The following GDF1 variants were observed in gnomAD, a reference collection of about 807,000 sequenced individuals.
GDF1 encodes growth differentiation factor 1.
Under a neutral mutation model 7.4 loss-of-function variants are expected in GDF1, and 8 were observed. The ratio of observed to expected loss-of-function variants is 1.09; its 90% CI spans 0.64 to 1.96. GDF1 has a LOEUF of 1.96. GDF1 is among the 30% of genes most tolerant of loss of function. The probability of loss-of-function intolerance (pLI) is 0.00; values close to 1 mark genes in which losing one functional copy is unlikely to be tolerated. For missense variants in GDF1, 574 were observed against 551.5 expected, an observed-to-expected ratio of 1.04 and a Z score of -0.41; for synonymous variants, 311 against 276.7, an observed-to-expected ratio of 1.12 and a Z score of -1.23.
At chr19:18,874,554 G>C (rs1358645448) in intron 6 of GDF1, among the ~76,000 whole-genome samples, 2 of 152,248 alleles carry the variant, frequency 1.3e-5, no homozygotes, top group Non-Finnish European at 2.9e-5. Context: ...CAGGTCACCA[G>C]ATCCAGAGAG....
intron 1 of GDF1, among the ~76,000 whole-genome samples, chr19:18,893,779 C>T (rs1306153836): frequency 5.3e-5 from 8 of 151,788 alleles, no homozygotes; most frequent in Non-Finnish European, 1.5e-5. Context: ...GTCCGGCCGC[C>T]GCGGTGCTGG....
At position 18,870,455 on chromosome 19, in the gene GDF1, A is replaced by T; in HGVS notation, c.-148T>A. 11 of 429,390 alleles carry T rather than the reference A, an allele frequency of 2.6e-5. No individual in the cohort carries two copies. Among genetic ancestry groups the T allele is most frequent in the Non-Finnish European group, 4.1e-5 (11 of 267,498 alleles). The allele number at this position is 429,390 out of a possible 1,614,324, so 26.6% of individuals were successfully genotyped here. On this transcript the variant is annotated 5_prime_UTR_variant, in exon 7 of 8. Transcript: ENST00000247005. The surrounding 1 kb of genome is among the most constrained non-coding windows in gnomAD (Gnocchi z 5.1). ...AGGCAGGATGAGGGGGCGGGGTCCCAGGGGAGGTGGCGGCGGCCCTAGAGG... is the reference window on the plus strand; with the variant it reads ...AGGCAGGATGAGGGGGCGGGGTCCCTGGGGAGGTGGCGGCGGCCCTAGAGG...
chr19:18,885,235 C>T (rs2056320332), intron 2 of GDF1, among the ~76,000 whole-genome samples: 1 of 152,136 alleles, frequency 6.6e-6, no homozygotes, highest in Non-Finnish European at 1.5e-5. Flanking sequence ...TTGGCTTGTT[C>T]TGTGGCCCAT....
chr19:18,888,945 G>GCA (rs1431207249), intron 2 of GDF1, among the ~76,000 whole-genome samples: 1 of 144,168 alleles, frequency 6.9e-6, no homozygotes, highest in Non-Finnish European at 1.5e-5. Flanking sequence ...AGGCTGGAGT[G>GCA]CAGTAGCATG....
chr19:18,879,165 G>A, intron 5 of GDF1, 76 bp downstream of exon 5: 1 of 1,601,686 alleles, frequency 6.2e-7, no homozygotes, highest in Non-Finnish European at 8.5e-7. Flanking sequence ...CCCCTCCCCG[G>A]GACTGCCTGA....
At chr19:18,875,724 A>G (rs1160459350) in intron 6 of GDF1, among the ~76,000 whole-genome samples, 1 of 152,188 alleles carries the variant, frequency 6.6e-6, no homozygotes, top group Non-Finnish European at 1.5e-5. Context: ...CTTAGACAAC[A>G]AGACCAGTGA....
chr19:18,893,996 G>A (rs906595441), intron 1 of GDF1, among the ~76,000 whole-genome samples: 9 of 151,948 alleles, frequency 5.9e-5, no homozygotes, highest in African/African-American at 2.2e-4. Context: ...CGACACAGAG[G>A]GGAGAGGAAG....
At chr19:18,886,595 G>T (rs965305639) in intron 2 of GDF1, among the ~76,000 whole-genome samples, 2 of 152,048 alleles carry the variant, frequency 1.3e-5, no homozygotes, top group Admixed American at 6.6e-5. Context: ...AAAAAAGGCG[G>T]GAAGCCATGC....
In GDF1 at chr19:18,878,299, CCT is replaced by C; in HGVS notation, c.-313+629_-313+630del. On this transcript the variant is annotated intron_variant, in intron 6 of 7. Coordinates refer to ENST00000247005, the MANE Select transcript of GDF1 (RefSeq NM_001492.6). The surrounding 1 kb of genome is among the most constrained non-coding windows in gnomAD (Gnocchi z 4.6). ...CCGTTCATCCCTGGCCCAGACACCC[CCT>C]GCCTGCCCCAGGCCTGGGGCTTCGG... 4.1e-6 allele frequency: 4 copies of C among 986,046 alleles called. No individual in the cohort carries two copies. The highest frequency in any genetic ancestry group is 4.8e-6 in the Non-Finnish European group (4 of 830,512). 61.1% of individuals were successfully genotyped at this position (986,046 alleles called of 1,614,324 possible). A position where few individuals can be genotyped will look rare whatever the true frequency, so the allele number is the denominator to read the frequency against.
chr19:18,888,853 CAAA>C (rs1257577996), intron 2 of GDF1, among the ~76,000 whole-genome samples: 2 of 149,636 alleles, frequency 1.3e-5, no homozygotes, highest in Non-Finnish European at 3.0e-5. Context: ...AACAAACAAA[CAAA>C]AAACCCTCCC....
chr19:18,880,765 C>T (rs1048332242), intron 3 of GDF1, among the ~76,000 whole-genome samples: 1 of 151,856 alleles, frequency 6.6e-6, no homozygotes, highest in Non-Finnish European at 1.5e-5. Flanking sequence ...GTGGTGTGAT[C>T]GGGCCCACTG....
chr19:18,869,872 AGGGCGGGTGGGGACCCTCGGAGCTGCTC>A (rs1254329133), intron 7 of GDF1, 83 bp downstream of exon 7: 1 of 1,052,746 alleles, frequency 9.5e-7, no homozygotes, highest in East Asian at 2.6e-5. Flanking sequence ...TAGCCTGGAC[AGGGCGGGTGGGGACCCTCGGAGCTGCTC>A]GGGCATCCCC....
rs1023272007 is a variant in GDF1 at position 18,882,333 on chromosome 19, A to T, written c.-733+1754T>A. ...CTGAGGAATGGAATAGGGGCTTTTT[A>T]AAATTATTTTTTAAACTAACCAGAC... On this transcript the variant is annotated intron_variant, in intron 3 of 7. Transcript: ENST00000247005. 1.5e-3 allele frequency among the ~76,000 whole-genome samples: 231 copies of T among 152,188 alleles called. 1 individual carries two copies. The highest frequency in any genetic ancestry group is 2.5e-3 in the Non-Finnish European group (169 of 67,996).
In GDF1 at chr19:18,878,912, G is replaced by A. The variant is rs759989196; in HGVS notation, c.-313+18C>T. ...CACTAAAGGAGGGAACGCGGGGTGC[G>A]GGCCCCTCCACACTCACTCGGCTTT... On this transcript the variant is annotated intron_variant, in intron 6 of 7. Coordinates refer to ENST00000247005, the MANE Select transcript of GDF1 (RefSeq NM_001492.6). This position sits in a 1 kb window ranked among gnomAD's most constrained non-coding sequence, Gnocchi z 4.6. 42 of 1,612,272 alleles carry A rather than the reference G, an allele frequency of 2.6e-5. No homozygotes were observed. The East Asian group carries it at 3.1e-4, about 12-fold the overall frequency.
At chr19:18,877,573 G>A (rs748301071) in intron 6 of GDF1, among the ~76,000 whole-genome samples, 13 of 152,042 alleles carry the variant, frequency 8.6e-5, no homozygotes, top group African/African-American at 2.9e-4. Context: ...GCAACATGAG[G>A]AAACCCCAGC....
At chr19:18,877,138 A>G (rs1409574314) in intron 6 of GDF1, among the ~76,000 whole-genome samples, 2 of 152,204 alleles carry the variant, frequency 1.3e-5, no homozygotes, top group Admixed American at 6.5e-5. Flanking sequence ...TATGGGATCA[A>G]TCATCACAGG....
rs538467483 is a variant in GDF1 at position 18,883,938 on chromosome 19, G to A, written c.-733+149C>T. 60 of 749,948 alleles carry A rather than the reference G, an allele frequency of 8.0e-5. No individual in the cohort carries two copies. In the South Asian group the frequency reaches 1.3e-3, roughly 16 times the overall value. 46.5% of individuals were successfully genotyped at this position (749,948 alleles called of 1,614,324 possible). A position where few individuals can be genotyped will look rare whatever the true frequency, so the allele number is the denominator to read the frequency against. ...CCTGCCTCTGGTCTGTCCCCTCGTC[G>A]GACCCCTGAGCACTCTGACCTTGGA... On this transcript the variant is annotated intron_variant, in intron 3 of 7. Coordinates refer to ENST00000247005, the MANE Select transcript of GDF1 (RefSeq NM_001492.6).
At position 18,884,112 on chromosome 19, in the gene GDF1, G is replaced by A. The variant is rs376478291; in HGVS notation, c.-758C>T. On this transcript the variant is annotated 5_prime_UTR_variant, in exon 3 of 8. Transcript: ENST00000247005. ...CGGAAGGCGTAGGAGGAGACGATGA[G>A]GATGAGAGTGACCACGTGGTGGAGC... 1.9e-6 allele frequency: 3 copies of A among 1,613,622 alleles called. No homozygotes were observed. Among genetic ancestry groups the A allele is most frequent in the Non-Finnish European group, 1.7e-6 (2 of 1,179,804 alleles).
intron 6 of GDF1, among the ~76,000 whole-genome samples, chr19:18,872,340 CT>C (rs1302537279): frequency 6.6e-6 from 1 of 152,042 alleles, no homozygotes; most frequent in Non-Finnish European, 1.5e-5. Context: ...TCTCTGTTAT[CT>C]TTTTTTCTTG....
Sources: gnomAD v4.1 joint callset for allele counts (sites outside exome capture counted in the v4.1 genomes callset) on GRCh38, gnomAD v4.1.1 for gene constraint, Gnocchi (gnomAD v3.1) non-coding constraint, MANE v1.5 for transcripts, NCBI Gene and HGNC (gene_info 2026-07-23, HGNC 2026-07-21) for gene names.